ADGRB3: variants seen among roughly 807,000 people sequenced by gnomAD.
The protein encoded by ADGRB3 is adhesion G protein-coupled receptor B3.
A neutral mutation model predicts 193.4 loss-of-function variants in ADGRB3; 37 were observed. The observed-to-expected ratio is 0.19, with a 90% confidence interval of 0.15 to 0.25. The LOEUF (loss-of-function observed/expected upper bound fraction) is 0.25, where lower values mean the gene tolerates loss of function less well. ADGRB3 is among the 10% of genes least tolerant of loss of function. The pLI is 1.00. For missense variants in ADGRB3, 1,637 were observed against 1,852.9 expected, an observed-to-expected ratio of 0.88 and a Z score of 2.14; for synonymous variants, 690 against 644.2, an observed-to-expected ratio of 1.07 and a Z score of -1.08.
chr6:68,950,546 A>C lies in ADGRB3; in HGVS notation c.1196-5478A>C, dbSNP rs182780197. 1.6e-3 allele frequency among the ~76,000 whole-genome samples: 237 copies of C among 152,316 alleles called. 2 individuals carry two copies. The highest frequency in any genetic ancestry group is 5.6e-3 in the African/African-American group (233 of 41,572). On this transcript the variant is annotated intron_variant, in intron 6 of 31. Transcript: ENST00000370598. Reference sequence around the variant, plus strand: ...TGGCATTCCAAATTTAACCTCAAAAAGATAGAAATTTTGATTTAAGGGCTA... The same window carrying C: ...TGGCATTCCAAATTTAACCTCAAAACGATAGAAATTTTGATTTAAGGGCTA...
intron 3 of ADGRB3, among the ~76,000 whole-genome samples, chr6:68,875,820 A>G (rs1376246361): frequency 6.6e-6 from 1 of 152,130 alleles, no homozygotes; most frequent in Non-Finnish European, 1.5e-5. Context: ...ATTATTAGAG[A>G]GGAATTTTAA....
At chr6:69,136,550 A>G (rs1231117956) in intron 17 of ADGRB3, among the ~76,000 whole-genome samples, 1 of 152,052 alleles carries the variant, frequency 6.6e-6, no homozygotes. Context: ...CTATATGTCT[A>G]TATATTTGGC....
intron 20 of ADGRB3, among the ~76,000 whole-genome samples, chr6:69,272,525 A>G (rs1194024162): frequency 5.3e-5 from 8 of 152,352 alleles, no homozygotes; most frequent in Admixed American, 4.6e-4. Context: ...TTGCAGTGCA[A>G]TTCCAACACA....
intron 3 of ADGRB3, among the ~76,000 whole-genome samples, chr6:68,909,348 A>G (rs1429692517): frequency 2.0e-5 from 3 of 152,208 alleles, no homozygotes; most frequent in African/African-American, 7.2e-5. Context: ...GTATCGTAGG[A>G]CAAACAACAT....
chr6:68,720,046 C>T (rs1765550214), intron 3 of ADGRB3, among the ~76,000 whole-genome samples: 2 of 151,836 alleles, frequency 1.3e-5, no homozygotes, highest in South Asian at 4.2e-4. Flanking sequence ...TTTCATTAAA[C>T]TTCTTTGTGC....
intron 17 of ADGRB3, among the ~76,000 whole-genome samples, chr6:69,115,955 A>T (rs890578292): frequency 1.3e-5 from 2 of 152,204 alleles, no homozygotes; most frequent in Non-Finnish European, 2.9e-5. Flanking sequence ...ATTTTAAGGA[A>T]TTGGTTTGCA....
chr6:68,791,012 G>A (rs2127366544), intron 3 of ADGRB3, among the ~76,000 whole-genome samples: 1 of 147,420 alleles, frequency 6.8e-6, no homozygotes, highest in East Asian at 2.0e-4. Flanking sequence ...CCGGGAGTTT[G>A]AGACCATCCT....
chr6:69,359,968 T>G (rs1223498724), intron 28 of ADGRB3, among the ~76,000 whole-genome samples: 2 of 151,862 alleles, frequency 1.3e-5, no homozygotes, highest in Non-Finnish European at 2.9e-5. Context: ...ATGGCTTTCT[T>G]TTTATACAGA....
intron 20 of ADGRB3, among the ~76,000 whole-genome samples, chr6:69,287,211 A>G (rs1767571195): frequency 6.6e-6 from 1 of 152,132 alleles, no homozygotes; most frequent in African/African-American, 2.4e-5. Flanking sequence ...AGTTTATGCC[A>G]CTTGTGTTCA....
At chr6:68,843,916 T>A (rs867797265) in intron 3 of ADGRB3, among the ~76,000 whole-genome samples, 1 of 151,940 alleles carries the variant, frequency 6.6e-6, no homozygotes, top group African/African-American at 2.4e-5. Context: ...AGAATGTACA[T>A]TGGGGAAAAA....
At chr6:69,227,964 T>A (rs1766054292) in intron 17 of ADGRB3, among the ~76,000 whole-genome samples, 1 of 152,106 alleles carries the variant, frequency 6.6e-6, no homozygotes, top group Non-Finnish European at 1.5e-5. Flanking sequence ...AGGTAAAAGA[T>A]CATTACATGG....
intron 17 of ADGRB3, among the ~76,000 whole-genome samples, chr6:69,187,793 T>TG (rs1765101608): frequency 6.6e-6 from 1 of 152,122 alleles, no homozygotes; most frequent in Admixed American, 6.6e-5. Flanking sequence ...GAAAGGAGAT[T>TG]GGAGGCACAG....
chr6:68,835,524 A>T (rs1334621858), intron 3 of ADGRB3, among the ~76,000 whole-genome samples: 2 of 152,064 alleles, frequency 1.3e-5, no homozygotes. Flanking sequence ...ACTAAGTTAC[A>T]CCCCAAACTC....
chr6:68,744,734 T>C (rs1268797588), intron 3 of ADGRB3, among the ~76,000 whole-genome samples: 2 of 151,856 alleles, frequency 1.3e-5, no homozygotes, highest in Non-Finnish European at 1.5e-5. Flanking sequence ...CCAGGGCCTG[T>C]TGGGGGATAT....
At chr6:69,275,986 C>T (rs1162995188) in intron 20 of ADGRB3, among the ~76,000 whole-genome samples, 1 of 152,288 alleles carries the variant, frequency 6.6e-6, no homozygotes, top group Middle Eastern at 3.4e-3. Flanking sequence ...CCTTTAATTG[C>T]TGCATCTCCA....
chr6:69,350,043 C>T (rs1769189305), intron 26 of ADGRB3, among the ~76,000 whole-genome samples: 1 of 152,176 alleles, frequency 6.6e-6, no homozygotes, highest in African/African-American at 2.4e-5. Flanking sequence ...TCTCAGCCTG[C>T]TGCTGTTGAT....
Position 69,308,458 on chromosome 6 carries a change from GGGAAATCA to G in ADGRB3, c.2815-16413_2815-16406del, listed in dbSNP as rs1355852896. ...AAATATTTGGATTAATTTCAGAGCA[GGGAAATCA>G]ATATAATTTATTCCAGTTGGTTCGT... On this transcript the variant is annotated intron_variant, in intron 20 of 31. Coordinates refer to ENST00000370598, the MANE Select transcript of ADGRB3 (RefSeq NM_001704.3). 1.1e-3 allele frequency among the ~76,000 whole-genome samples: 169 copies of G among 150,052 alleles called. 1 individual carries two copies. Among genetic ancestry groups the G allele is most frequent in the African/African-American group, 4.1e-3 (162 of 39,942 alleles).
At chr6:69,101,294 C>A (rs923848254) in intron 17 of ADGRB3, among the ~76,000 whole-genome samples, 4 of 152,054 alleles carry the variant, frequency 2.6e-5, no homozygotes, top group African/African-American at 9.7e-5. Context: ...GTCTTCCGAG[C>A]TCTATAATGT....
intron 17 of ADGRB3, among the ~76,000 whole-genome samples, chr6:69,214,390 C>T (rs779473): frequency 0.15 from 23,200 of 152,070 alleles, 1,960 homozygotes; most frequent in Non-Finnish European, 0.18. Flanking sequence ...GTTAAAGCAT[C>T]CTCCGTCTCT....
Sources: gnomAD v4.1 joint callset for allele counts (sites outside exome capture counted in the v4.1 genomes callset) on GRCh38, gnomAD v4.1.1 for gene constraint, MANE v1.5 for transcripts, NCBI Gene and HGNC (gene_info 2026-07-23, HGNC 2026-07-21) for gene names.